C9orf85: variants seen among roughly 807,000 people sequenced by gnomAD.
The protein encoded by C9orf85 is chromosome 9 open reading frame 85.
Under a neutral mutation model 14.9 loss-of-function variants are expected in C9orf85, and 16 were observed. The observed-to-expected ratio is 1.08, with a 90% CI of 0.73 to 1.63. C9orf85 has a LOEUF of 1.63. C9orf85 is among the 40% of genes most tolerant of loss of function. C9orf85 has a pLI of 0.00. For synonymous variants in C9orf85, 45 were observed against 56.8 expected, an observed-to-expected ratio of 0.79 and a Z score of 0.93; for missense variants, 172 against 186.1, an observed-to-expected ratio of 0.92 and a Z score of 0.44.
intron 2 of C9orf85, among the ~76,000 whole-genome samples, chr9:71,953,075 G>A (rs574082849): frequency 6.6e-6 from 1 of 152,128 alleles, no homozygotes; most frequent in Non-Finnish European, 1.5e-5. Flanking sequence ...CCCCAGGAAG[G>A]GTGCTACTGA....
At chr9:71,920,070 C>G (rs1233051527) in intron 1 of C9orf85, among the ~76,000 whole-genome samples, 2 of 152,056 alleles carry the variant, frequency 1.3e-5, no homozygotes, top group Admixed American at 6.6e-5. Context: ...AGGACAGTCT[C>G]GATCTCTTGA....
At chr9:71,963,707 G>A (rs1473900990) in intron 2 of C9orf85, among the ~76,000 whole-genome samples, 1 of 152,228 alleles carries the variant, frequency 6.6e-6, no homozygotes, top group East Asian at 1.9e-4. Flanking sequence ...AGGGTGTACT[G>A]GGTCCCCCAG....
downstream of C9orf85, chr9:71,985,705 G>A (rs1164682231): frequency 6.6e-6 from 1 of 152,186 alleles, no homozygotes; most frequent in Admixed American, 6.5e-5. Context: ...ATTGTTATGC[G>A]GTTATAGCCG....
intron 2 of C9orf85, among the ~76,000 whole-genome samples, chr9:71,951,724 T>C (rs1822250463): frequency 1.3e-5 from 2 of 152,192 alleles, no homozygotes; most frequent in Non-Finnish European, 2.9e-5. Context: ...CCTTGTTTTT[T>C]ACTTTTGAAA....
chr9:71,913,530 G>GT (rs1564079856), intron 1 of C9orf85, among the ~76,000 whole-genome samples: 1 of 152,134 alleles, frequency 6.6e-6, no homozygotes, highest in Non-Finnish European at 1.5e-5. Context: ...AGGTTGAGAG[G>GT]TTTTTCAGAA....
At chr9:71,923,513 C>G (rs1201583342) in intron 1 of C9orf85, among the ~76,000 whole-genome samples, 1 of 152,182 alleles carries the variant, frequency 6.6e-6, no homozygotes, top group Non-Finnish European at 1.5e-5. Flanking sequence ...TGTGATCTGC[C>G]CACTTCGGCC....
chr9:71,956,431 T>G (rs1822384344), intron 2 of C9orf85, among the ~76,000 whole-genome samples: 1 of 151,968 alleles, frequency 6.6e-6, no homozygotes, highest in Non-Finnish European at 1.5e-5. Context: ...GTATTTTTAG[T>G]AGAGACGGGG....
rs144045355 is a variant in C9orf85 at position 71,964,253 on chromosome 9, C to T, written c.210-7252C>T. 2.3e-3 allele frequency among the ~76,000 whole-genome samples: 349 copies of T among 152,194 alleles called. 1 individual carries two copies. Among genetic ancestry groups the T allele is most frequent in the Middle Eastern group, 6.8e-3 (2 of 294 alleles). On this transcript the variant is annotated intron_variant, in intron 2 of 3. Coordinates refer to ENST00000334731, the MANE Select transcript of C9orf85 (RefSeq NM_182505.5). ...GTCAGCGCCCTGTCAACACAGACCACTGGGCTCTACCAATCAGCAGGATGT... is the reference window on the plus strand; with the variant it reads ...GTCAGCGCCCTGTCAACACAGACCATTGGGCTCTACCAATCAGCAGGATGT...
intron 1 of C9orf85, among the ~76,000 whole-genome samples, chr9:71,915,313 T>G (rs1284233827): frequency 6.6e-6 from 1 of 151,716 alleles, no homozygotes; most frequent in Non-Finnish European, 1.5e-5. Flanking sequence ...CCCAAGTAGC[T>G]GGGATTTCAG....
chr9:71,959,313 T>C (rs1403447355), intron 2 of C9orf85, among the ~76,000 whole-genome samples: 1 of 151,916 alleles, frequency 6.6e-6, no homozygotes, highest in Non-Finnish European at 1.5e-5. Flanking sequence ...AATTTTGTAT[T>C]TTTAGTAGAG....
downstream of C9orf85, among the ~76,000 whole-genome samples, chr9:71,977,488 T>C (rs1450958410): frequency 1.3e-5 from 2 of 152,204 alleles, no homozygotes; most frequent in African/African-American, 2.4e-5. Context: ...CAAGATTATA[T>C]ATGTAAGACC....
intron 2 of C9orf85, among the ~76,000 whole-genome samples, chr9:71,958,266 AT>A (rs10531647): frequency 0.06 from 8,389 of 140,294 alleles, 725 homozygotes; most frequent in African/African-American, 0.19. Flanking sequence ...ATATATATAA[AT>A]TTTTTTTTTT....
At chr9:71,962,972 C>T (rs906699808) in intron 2 of C9orf85, among the ~76,000 whole-genome samples, 1 of 152,100 alleles carries the variant, frequency 6.6e-6, no homozygotes, top group East Asian at 1.9e-4. Flanking sequence ...ACGATAATCA[C>T]TTGAACCCGG....
chr9:71,981,715 C>G (rs1294210164), intron 3 of C9orf85, among the ~76,000 whole-genome samples: 1 of 152,030 alleles, frequency 6.6e-6, no homozygotes, highest in Non-Finnish European at 1.5e-5. Flanking sequence ...TCAATTTATG[C>G]TTAAGGTTCA....
At chr9:71,919,564 T>C (rs1040047374) in intron 1 of C9orf85, among the ~76,000 whole-genome samples, 1 of 152,196 alleles carries the variant, frequency 6.6e-6, no homozygotes, top group African/African-American at 2.4e-5. Flanking sequence ...CCCTCCTCCA[T>C]TGATTTGTTT....
chr9:71,918,188 T>G (rs1827703143), intron 1 of C9orf85, among the ~76,000 whole-genome samples: 1 of 152,024 alleles, frequency 6.6e-6, no homozygotes, highest in African/African-American at 2.4e-5. Context: ...AAATAGGTAT[T>G]ACAGGCAAAG....
chr9:71,938,542 TAAAAC>T (rs1387051780), intron 1 of C9orf85, among the ~76,000 whole-genome samples: 1 of 151,992 alleles, frequency 6.6e-6, no homozygotes, highest in Non-Finnish European at 1.5e-5. Context: ...CAGTGGCAAA[TAAAAC>T]AAGAACATGA....
At chr9:71,927,670 C>T (rs924203084) in intron 1 of C9orf85, among the ~76,000 whole-genome samples, 1 of 151,912 alleles carries the variant, frequency 6.6e-6, no homozygotes, top group Non-Finnish European at 1.5e-5. Flanking sequence ...GTACAAGAAG[C>T]AATAGTAAGC....
chr9:71,921,618 C>T (rs1257405980), intron 1 of C9orf85, among the ~76,000 whole-genome samples: 1 of 152,186 alleles, frequency 6.6e-6, no homozygotes, highest in Non-Finnish European at 1.5e-5. Context: ...CCAACCAGCC[C>T]ATCTTGGGTA....
Sources: gnomAD v4.1 joint callset for allele counts (sites outside exome capture counted in the v4.1 genomes callset) on GRCh38, gnomAD v4.1.1 for gene constraint, MANE v1.5 for transcripts, NCBI Gene and HGNC (gene_info 2026-07-23, HGNC 2026-07-21) for gene names.